Variants in ATRNL1 observed in about 807,000 individuals in gnomAD.
The protein encoded by ATRNL1 is attractin-like protein 1.
Under a neutral mutation model 182.7 loss-of-function variants are expected in ATRNL1, and 95 were observed. The observed-to-expected ratio is 0.52, with a 90% CI of 0.44 to 0.62. The LOEUF is 0.62. ATRNL1 is among the 20% of genes least tolerant of loss of function. The pLI is 0.00. For missense variants in ATRNL1, 1,471 were observed against 1,679.5 expected (o/e 0.88, Z 2.17); for synonymous variants, 576 against 568.3 (o/e 1.01, Z -0.19).
At chr10:115,475,864 A>C (rs1565083422) in intron 24 of ATRNL1, among the ~76,000 whole-genome samples, 1 of 151,242 alleles carries the variant, frequency 6.6e-6, no homozygotes, top group East Asian at 1.9e-4. Flanking sequence ...TTTAAGATAA[A>C]TTTATTCCTT....
chr10:115,698,586 T>C (rs1946634547), intron 26 of ATRNL1, among the ~76,000 whole-genome samples: 1 of 152,130 alleles, frequency 6.6e-6, no homozygotes, highest in Non-Finnish European at 1.5e-5. Context: ...CAGACCATCC[T>C]GACCAACATG....
At chr10:115,348,146 G>C (rs1856060859) in intron 19 of ATRNL1, among the ~76,000 whole-genome samples, 1 of 152,012 alleles carries the variant, frequency 6.6e-6, no homozygotes, top group African/African-American at 2.4e-5. Context: ...GCTAATTTTT[G>C]TATTTTTAGT....
rs1190520370 is a variant in ATRNL1 at position 115,770,403 on chromosome 10, G to A, written c.3903+43048G>A. Among the ~76,000 whole-genome samples, 4 of 151,984 alleles carry A rather than the reference G, an allele frequency of 2.6e-5. No homozygotes were observed. In the East Asian group the frequency reaches 7.7e-4, roughly 29 times the overall value. ...CAGTGATACAGAATTATGTAATTTT[G>A]TATACTCAATATTTTCTAAGCTACT... is the stretch of plus-strand genomic sequence containing the variant. On this transcript the variant is annotated intron_variant, in intron 27 of 28. Coordinates refer to ENST00000355044, the MANE Select transcript of ATRNL1 (RefSeq NM_207303.4).
rs200807824 is a variant in ATRNL1, at chr10:115,665,865, A to G, written c.3796-61383A>G. ...TTGTGTTTCCTGTATATTTTTGTTC[A>G]GAAAGTGGTACCTGTTCCTCACTGG... On this transcript the variant is annotated intron_variant, in intron 26 of 28. Coordinates refer to ENST00000355044, the MANE Select transcript of ATRNL1 (RefSeq NM_207303.4). 2.6e-5 allele frequency among the ~76,000 whole-genome samples: 4 copies of G among 152,252 alleles called. No individual in the cohort carries two copies. The East Asian group carries it at 5.8e-4, about 22-fold the overall frequency.
intron 25 of ATRNL1, among the ~76,000 whole-genome samples, chr10:115,541,535 C>A (rs1554991978): frequency 6.6e-6 from 1 of 152,074 alleles, no homozygotes; most frequent in South Asian, 2.1e-4. Flanking sequence ...CCCAACAATT[C>A]CAAGTCATCA....
At chr10:115,770,218 G>A (rs1555076007) in intron 27 of ATRNL1, among the ~76,000 whole-genome samples, 1 of 151,756 alleles carries the variant, frequency 6.6e-6, no homozygotes, top group African/African-American at 2.4e-5. Flanking sequence ...TATATTGATA[G>A]CAATATTTAT....
intron 5 of ATRNL1, among the ~76,000 whole-genome samples, chr10:115,137,216 G>A (rs1209834921): frequency 1.3e-5 from 2 of 152,136 alleles, no homozygotes; most frequent in Admixed American, 1.3e-4. Context: ...AATGATGGGA[G>A]GTCTTTGGTT....
rs542810140 is a variant in ATRNL1, at chr10:115,453,863, G to T, written c.3323-8078G>T. ...CCTAATGCTAAATGATGAGTTAATG[G>T]GTGCAGCACACCAGCATGGCACATG... On this transcript the variant is annotated intron_variant, in intron 21 of 28. Coordinates refer to ENST00000355044, the MANE Select transcript of ATRNL1 (RefSeq NM_207303.4). 4.0e-5 allele frequency among the ~76,000 whole-genome samples: 6 copies of T among 150,838 alleles called. No individual in the cohort carries two copies. In the South Asian group the frequency reaches 1.3e-3, roughly 32 times the overall value.
chr10:115,278,114 A>G (rs1554915495), intron 13 of ATRNL1, among the ~76,000 whole-genome samples: 2 of 152,210 alleles, frequency 1.3e-5, no homozygotes, highest in African/African-American at 4.8e-5. Context: ...ACTTTTATTA[A>G]GACTAGAACC....
chr10:115,100,080 C>G (rs879965540), intron 1 of ATRNL1, among the ~76,000 whole-genome samples: 1 of 152,078 alleles, frequency 6.6e-6, no homozygotes, highest in Non-Finnish European at 1.5e-5. Context: ...TCACTTGAGT[C>G]TAGGAATTTG....
intron 28 of ATRNL1, among the ~76,000 whole-genome samples, chr10:115,909,842 G>A (rs1453928705): frequency 6.6e-6 from 1 of 152,112 alleles, no homozygotes; most frequent in African/African-American, 2.4e-5. Context: ...TTCCTAGCCA[G>A]AAGGCTAGGA....
chr10:115,259,695 C>T (rs906581539), intron 10 of ATRNL1, among the ~76,000 whole-genome samples: 4 of 152,174 alleles, frequency 2.6e-5, no homozygotes, highest in Admixed American at 6.5e-5. Flanking sequence ...CCATCCTCTG[C>T]GTCGATCACA....
At chr10:115,887,876 G>A (rs1483339865) in intron 28 of ATRNL1, among the ~76,000 whole-genome samples, 1 of 151,846 alleles carries the variant, frequency 6.6e-6, no homozygotes, top group African/African-American at 2.4e-5. Flanking sequence ...CTTGTGTGTT[G>A]CCTGGATATT....
intron 27 of ATRNL1, among the ~76,000 whole-genome samples, chr10:115,760,963 C>T (rs782813014): frequency 6.6e-6 from 1 of 152,118 alleles, no homozygotes; most frequent in Non-Finnish European, 1.5e-5. Flanking sequence ...TTCTTTTTTA[C>T]TAAGAGAAAT....
chr10:115,394,990 T>C (rs782436952), intron 20 of ATRNL1, among the ~76,000 whole-genome samples: 42 of 151,934 alleles, frequency 2.8e-4, no homozygotes, highest in Non-Finnish European at 5.0e-4. Context: ...TAGTACCCAA[T>C]AGATAATTTT....
rs1433698903 is a variant in ATRNL1 at position 115,129,308 on chromosome 10, T to C, written c.621-19T>C. On this transcript the variant is annotated intron_variant, in intron 4 of 28. Coordinates refer to ENST00000355044, the MANE Select transcript of ATRNL1 (RefSeq NM_207303.4). ...TTCAATTACCTTGAATCTGAATATATATGAATTATATTTTACAGAATCAAT... is the reference window on the plus strand; with the variant it reads ...TTCAATTACCTTGAATCTGAATATACATGAATTATATTTTACAGAATCAAT... 4 of 1,582,664 alleles carry C rather than the reference T, an allele frequency of 2.5e-6. No homozygotes were observed. Among genetic ancestry groups the C allele is most frequent in the East Asian group, 2.2e-5 (1 of 44,680 alleles).
At position 115,700,308 on chromosome 10, in the gene ATRNL1, CTGTGT is replaced by C. The variant is rs1555051121; in HGVS notation, c.3796-26939_3796-26935del. On this transcript the variant is annotated intron_variant, in intron 26 of 28. Coordinates refer to ENST00000355044, the MANE Select transcript of ATRNL1 (RefSeq NM_207303.4). ...GAGCTAATTTACACTCCCAGCAACA[CTGTGT>C]AAGTGTTTCTTTTTCTCTGCAGCCT... 2.0e-5 allele frequency among the ~76,000 whole-genome samples: 3 copies of C among 152,096 alleles called. No individual in the cohort carries two copies. The South Asian group carries it at 6.2e-4, about 31-fold the overall frequency.
At chr10:115,641,464 T>C (rs1555030399) in intron 26 of ATRNL1, among the ~76,000 whole-genome samples, 2 of 152,178 alleles carry the variant, frequency 1.3e-5, no homozygotes, top group South Asian at 4.1e-4. Context: ...TCCTGAAATA[T>C]TGTTACAGTG....
At chr10:115,147,420 C>T (rs1342087971) in intron 5 of ATRNL1, among the ~76,000 whole-genome samples, 1 of 152,090 alleles carries the variant, frequency 6.6e-6, no homozygotes, top group Admixed American at 6.6e-5. Context: ...TGCAGGTTGT[C>T]TTTTCACTTT....
Sources: allele counts gnomAD v4.1 joint callset (sites outside exome capture counted in the v4.1 genomes callset), GRCh38; gene constraint gnomAD v4.1.1; transcripts MANE v1.5; gene names NCBI Gene and HGNC (gene_info 2026-07-23, HGNC 2026-07-21).